The following RABGAP1L variants were observed in gnomAD, a reference collection of about 807,000 sequenced individuals.
The protein encoded by RABGAP1L is RAB GTPase activating protein 1 like, also known as rab GTPase-activating protein 1-like.
A neutral mutation model predicts 137.7 loss-of-function variants in RABGAP1L; 63 were observed. The observed-to-expected ratio is 0.46, with a 90% CI of 0.37 to 0.56. The LOEUF is 0.56. RABGAP1L is among the 20% of genes least tolerant of loss of function. The pLI is 0.00. For synonymous variants in RABGAP1L, 431 were observed against 433.7 expected, an observed-to-expected ratio of 0.99 and a Z score of 0.08; for missense variants, 1,095 against 1,244.0, an observed-to-expected ratio of 0.88 and a Z score of 1.80.
rs1553295797 is a variant in RABGAP1L, at chr1:174,962,208, C to CA, written c.2433+4660dup. Among the ~76,000 whole-genome samples the CA allele has an allele frequency of 1.7e-4, 22 of 131,894 alleles. 2 individuals are homozygous for CA. Among genetic ancestry groups the CA allele is most frequent in the Non-Finnish European group, 2.2e-4 (14 of 63,040 alleles). The allele number at this position is 131,894 out of a possible 152,430, so 86.5% of individuals were successfully genotyped here. ...AAAATAAAAATACACCCCCCCCCCA[C>CA]ACACACACACAGCTAGTTAATTAAA... On this transcript the variant is annotated intron_variant, in intron 20 of 25. Coordinates refer to ENST00000681986, the MANE Select transcript of RABGAP1L (RefSeq NM_001366446.1).
chr1:174,279,739 G>T (rs1299566495), intron 10 of RABGAP1L, among the ~76,000 whole-genome samples: 1 of 152,066 alleles, frequency 6.6e-6, no homozygotes, highest in Non-Finnish European at 1.5e-5. Flanking sequence ...TGAAGGTTAT[G>T]TGAGCAATAT....
At chr1:174,852,230 A>G (rs1160461887) in intron 19 of RABGAP1L, among the ~76,000 whole-genome samples, 1 of 152,206 alleles carries the variant, frequency 6.6e-6, no homozygotes, top group Non-Finnish European at 1.5e-5. Context: ...GGAGGATTCA[A>G]GAGTGTGGGG....
chr1:174,339,833 C>T (rs768291406), intron 11 of RABGAP1L, among the ~76,000 whole-genome samples: 44 of 152,100 alleles, frequency 2.9e-4, no homozygotes, highest in Non-Finnish European at 5.0e-4. Context: ...TCTCGTACTC[C>T]TGACCTCAAG....
At chr1:174,799,658 A>C (rs1232689666) in intron 18 of RABGAP1L, among the ~76,000 whole-genome samples, 3 of 152,010 alleles carry the variant, frequency 2.0e-5, no homozygotes, top group Non-Finnish European at 2.9e-5. Flanking sequence ...TTCTTATTAC[A>C]GCATTCTCCC....
intron 13 of RABGAP1L, among the ~76,000 whole-genome samples, chr1:174,467,698 TG>T (rs1255877899): frequency 6.6e-6 from 1 of 152,160 alleles, no homozygotes; most frequent in Non-Finnish European, 1.5e-5. Flanking sequence ...TTAAGTATCT[TG>T]GTTATCACAC....
chr1:174,420,324 A>G (rs1651104772), intron 13 of RABGAP1L, among the ~76,000 whole-genome samples: 1 of 152,110 alleles, frequency 6.6e-6, no homozygotes. Flanking sequence ...GGCACATACT[A>G]AAAGCATTAA....
intron 11 of RABGAP1L, among the ~76,000 whole-genome samples, chr1:174,323,286 CA>C (rs1680171175): frequency 6.6e-6 from 1 of 151,526 alleles, no homozygotes. Context: ...GAAGAAGATT[CA>C]AAAAAATTTA....
Position 174,848,445 on chromosome 1 carries a change from C to T in RABGAP1L, c.2340+36485C>T, listed in dbSNP as rs1481187813. ...TTCTGTTTGTTAGTTTTCCTTCTAA[C>T]AGACAGGACCCTCAGCTGCAGGTCT... On this transcript the variant is annotated intron_variant, in intron 19 of 25. Transcript: ENST00000681986. Among the ~76,000 whole-genome samples, 14 of 146,640 alleles carry T rather than the reference C, an allele frequency of 9.5e-5. No individual in the cohort carries two copies. In the East Asian group the frequency reaches 1.2e-3, roughly 13 times the overall value.
At chr1:174,327,458 G>GT (rs1394675378) in intron 11 of RABGAP1L, among the ~76,000 whole-genome samples, 1 of 151,686 alleles carries the variant, frequency 6.6e-6, no homozygotes, top group African/African-American at 2.4e-5. Flanking sequence ...GATGTTTTTT[G>GT]TAAGTCTCAT....
intron 19 of RABGAP1L, among the ~76,000 whole-genome samples, chr1:174,878,878 G>T (rs1422867139): frequency 2.0e-5 from 3 of 150,174 alleles, no homozygotes; most frequent in Non-Finnish European, 4.4e-5. Context: ...CCACTCATTA[G>T]GTATTTAATA....
intron 13 of RABGAP1L, among the ~76,000 whole-genome samples, chr1:174,626,523 T>C (rs1228975052): frequency 6.6e-6 from 1 of 152,226 alleles, no homozygotes; most frequent in African/African-American, 2.4e-5. Context: ...ATATGGCTTA[T>C]ATTTTTGACC....
chr1:174,248,100 T>C (rs1460981891), intron 5 of RABGAP1L, among the ~76,000 whole-genome samples: 5 of 152,224 alleles, frequency 3.3e-5, no homozygotes, highest in Admixed American at 2.0e-4. Flanking sequence ...ATGACATATT[T>C]CTAGCATATT....
intron 18 of RABGAP1L, among the ~76,000 whole-genome samples, chr1:174,778,779 A>G (rs752012288): frequency 2.0e-5 from 3 of 152,042 alleles, no homozygotes; most frequent in Non-Finnish European, 4.4e-5. Context: ...TATTTTTAGT[A>G]GAGATGGGGT....
At chr1:174,362,227 C>T (rs577003742) in intron 11 of RABGAP1L, among the ~76,000 whole-genome samples, 3 of 152,162 alleles carry the variant, frequency 2.0e-5, no homozygotes, top group African/African-American at 4.8e-5. Context: ...TATTGTGAAT[C>T]GTTTTGCAGT....
At chr1:174,699,403 G>A (rs1679486751) in intron 15 of RABGAP1L, 122 bp from the exon 16 acceptor site, 1 of 739,628 alleles carries the variant, frequency 1.4e-6, no homozygotes. Context: ...TGGCTCTGAA[G>A]GACTTCATTT....
intron 20 of RABGAP1L, among the ~76,000 whole-genome samples, chr1:174,960,988 T>G (rs1047919454): frequency 4.6e-5 from 7 of 152,232 alleles, no homozygotes; most frequent in African/African-American, 1.7e-4. Context: ...TATTTTAAAC[T>G]CAGTGAACAC....
intron 14 of RABGAP1L, among the ~76,000 whole-genome samples, chr1:174,671,719 A>C (rs755897898): frequency 6.6e-6 from 1 of 152,032 alleles, no homozygotes. Flanking sequence ...TATTTTGTTG[A>C]GGATATTTGC....
chr1:174,693,337 T>TGG (rs1679007837), intron 15 of RABGAP1L, among the ~76,000 whole-genome samples: 1 of 152,200 alleles, frequency 6.6e-6, no homozygotes, highest in African/African-American at 2.4e-5. Flanking sequence ...ATTGTTAAAT[T>TGG]TTCAGGAATT....
chr1:174,922,313 T>C, intron 19 of RABGAP1L: 1 of 185,312 alleles, frequency 5.4e-6, no homozygotes, highest in Non-Finnish European at 1.2e-5. Flanking sequence ...CTACTATGTT[T>C]CAAATGATGA....
Sources: allele counts gnomAD v4.1 joint callset (sites outside exome capture counted in the v4.1 genomes callset), GRCh38; gene constraint gnomAD v4.1.1; transcripts MANE v1.5; gene names NCBI Gene and HGNC (gene_info 2026-07-23, HGNC 2026-07-21).